Variants in RHBDL1 observed in about 807,000 individuals in gnomAD.
The protein encoded by RHBDL1 is rhomboid like 1.
A neutral mutation model predicts 34.0 loss-of-function variants in RHBDL1; 21 were observed. That is an observed-to-expected ratio of 0.62 (90% CI 0.44 to 0.89). The LOEUF (loss-of-function observed/expected upper bound fraction) is 0.89. Among genes scored for constraint, RHBDL1 ranks in the 40% least tolerant of loss-of-function variants. RHBDL1 has a pLI of 0.00. For synonymous variants in RHBDL1, 268 were observed against 234.8 expected, an observed-to-expected ratio of 1.14 and a Z score of -1.29; for missense variants, 450 against 530.6, an observed-to-expected ratio of 0.85 and a Z score of 1.49.
In RHBDL1 at chr16:676,488, G is replaced by A; in HGVS notation, c.192G>A (p.Leu64=). Residue 64 remains leucine (L), a synonymous_variant, in exon 2 of 8, where the codon CTG becomes CTA. Transcript: ENST00000352681. This position sits in a 1 kb window ranked among gnomAD's most constrained non-coding sequence, Gnocchi z 6.9. ...AGGGCCAGGTCTGCTACCAGGAGCT[G>A]GTGGACCTGGTCAGTGCCACGGTGG... ...NEQGQVCYQE[L]VDLISSKRSS... The A allele has an allele frequency of 6.3e-7, 1 of 1,591,306 alleles. No individual in the cohort carries two copies. Among genetic ancestry groups the A allele is most frequent in the Non-Finnish European group, 8.5e-7 (1 of 1,171,492 alleles).
chr16:676,984 T>C lies in RHBDL1; in HGVS notation c.440T>C (p.Leu147Pro). The C allele has an allele frequency of 6.2e-7, 1 of 1,612,518 alleles. No individual in the cohort carries two copies. The highest frequency in any genetic ancestry group is 8.5e-7 in the Non-Finnish European group (1 of 1,179,804). Reference sequence around the variant, plus strand: ...TCGTGTCCCCAGATCATCGTGTTCCTGTGTTACGGGGCCCGCCTCAACAAG... The same window carrying C: ...TCGTGTCCCCAGATCATCGTGTTCCCGTGTTACGGGGCCCGCCTCAACAAG... ...SVTLAQIIVFLCYGARLNKWV... is the reference protein window; with the variant it reads ...SVTLAQIIVFPCYGARLNKWV... The change falls in exon 4 of 8, where the codon CTG becomes CCG. Residue 147 changes from leucine to proline, a missense_variant. Leu to Pro is a moderately conservative substitution (Grantham distance 98). Coordinates refer to ENST00000352681, the MANE Select transcript of RHBDL1 (RefSeq NM_001278720.2). This position sits in a 1 kb window ranked among gnomAD's most constrained non-coding sequence, Gnocchi z 6.9.
chr16:677,835 C>T lies in RHBDL1; in HGVS notation c.905C>T (p.Ala302Val), dbSNP rs2039577936. 1.3e-6 allele frequency: 2 copies of T among 1,585,338 alleles called. No homozygotes were observed. The highest frequency in any genetic ancestry group is 1.7e-6 in the Non-Finnish European group (2 of 1,171,334). ...CTGCGCTTCTCCCCGCCGCTGCCCG[C>T]CTCGGGCCCACAGCCCAGCTTCATG... is the stretch of plus-strand genomic sequence containing the variant. Reference protein sequence around the residue: ...VWLRFSPPLPASGPQPSFMAH... With the variant: ...VWLRFSPPLPVSGPQPSFMAH... The change falls in exon 8 of 8, where the codon GCC becomes GTC. Residue 302 changes from alanine to valine, a missense_variant. Ala to Val is a moderately conservative substitution (Grantham distance 64, BLOSUM62 0). Transcript: ENST00000352681.
At position 676,428 on chromosome 16, in the gene RHBDL1, G is replaced by T; in HGVS notation, c.132G>T (p.Leu44=). The T allele has an allele frequency of 6.2e-7, 1 of 1,606,584 alleles. No individual in the cohort carries two copies. Among genetic ancestry groups the T allele is most frequent in the Admixed American group, 1.7e-5 (1 of 59,570 alleles). Residue 44 remains leucine, a synonymous_variant, in exon 2 of 8, where the codon CTG becomes CTT. Coordinates refer to ENST00000352681, the MANE Select transcript of RHBDL1 (RefSeq NM_001278720.2). This position sits in a 1 kb window ranked among gnomAD's most constrained non-coding sequence, Gnocchi z 6.9. ...SHELPLDPAK[L]DMLVALAQSN... ...AGCTGCCCCTGGACCCGGCCAAGCT[G>T]GACATGCTGGTGGCCCTGGCTCAGA...
At position 676,663 on chromosome 16, in the gene RHBDL1, T is replaced by C; in HGVS notation, c.202-9T>C. On this transcript the variant is annotated splice_polypyrimidine_tract_variant and intron_variant, in intron 2 of 7. Coordinates refer to ENST00000352681, the MANE Select transcript of RHBDL1 (RefSeq NM_001278720.2). This position sits in a 1 kb window ranked among gnomAD's most constrained non-coding sequence, Gnocchi z 6.9. Reference sequence around the variant, plus strand: ...GGTCCGTGGCCCACACTCAGGCCCCTGCCCCCAGATCAGCAGCAAGCGCTC... The same window carrying C: ...GGTCCGTGGCCCACACTCAGGCCCCCGCCCCCAGATCAGCAGCAAGCGCTC... The C allele has an allele frequency of 2.5e-6, 4 of 1,610,192 alleles. No individual in the cohort carries two copies. Among genetic ancestry groups the C allele is most frequent in the South Asian group, 1.1e-5 (1 of 91,048 alleles).
In RHBDL1 at chr16:675,750, C is replaced by T. The variant is rs981018822; in HGVS notation, c.-41C>T. 4.0e-5 allele frequency: 56 copies of T among 1,385,066 alleles called. No individual in the cohort carries two copies. In the African/African-American group the frequency reaches 6.6e-4, roughly 16 times the overall value. The allele number at this position is 1,385,066 out of a possible 1,614,324, so 85.8% of individuals were successfully genotyped here. On this transcript the variant is annotated 5_prime_UTR_variant, in exon 1 of 8. Transcript: ENST00000352681. ...CGTCCGCAGAGCAGCCCCTCCCGGC[C>T]GCGGCCGCCGACCCCGGACCCCGGC... is the stretch of plus-strand genomic sequence containing the variant.
chr16:677,048 C>A lies in RHBDL1; in HGVS notation c.504C>A (p.Ser168Arg). The change falls in exon 4 of 8, where the codon AGC (serine) becomes AGA (arginine). Residue 168 changes from serine (S) to arginine (R), a missense_variant. Physicochemically the swap from Ser to Arg is moderately radical, Grantham distance 110 (BLOSUM62 -1). Coordinates refer to ENST00000352681, the MANE Select transcript of RHBDL1 (RefSeq NM_001278720.2). ...CCTACCACCCCGAGTACATGAAGAG[C>A]CCCCTTGTGTACCACCCCGGGCACC... ...LQTYHPEYMK[S>R]PLVYHPGHRA... 6.2e-7 allele frequency: 1 copy of A among 1,612,904 alleles called. No individual in the cohort carries two copies. The highest frequency in any genetic ancestry group is 8.5e-7 in the Non-Finnish European group (1 of 1,179,950).
At position 676,651 on chromosome 16, in the gene RHBDL1, C is replaced by A; in HGVS notation, c.202-21C>A. On this transcript the variant is annotated intron_variant, in intron 2 of 7. Coordinates refer to ENST00000352681, the MANE Select transcript of RHBDL1 (RefSeq NM_001278720.2). This position sits in a 1 kb window ranked among gnomAD's most constrained non-coding sequence, Gnocchi z 6.9. ...GTGCCATGGGGAGGTCCGTGGCCCA[C>A]ACTCAGGCCCCTGCCCCCAGATCAG... 1 of 1,607,736 alleles carries A rather than the reference C, an allele frequency of 6.2e-7. No individual in the cohort carries two copies. Among genetic ancestry groups the A allele is most frequent in the South Asian group, 1.1e-5 (1 of 91,016 alleles).
At chr16:677,426 G>A (rs951648889) in intron 5 of RHBDL1, 33 bp from the exon 6 acceptor site, 3 of 1,579,120 alleles carry the variant, frequency 1.9e-6, no homozygotes, top group African/African-American at 1.3e-5. Flanking sequence ...TGCCCTGGCC[G>A]GCTGCACCCT....
chr16:676,556 A>T lies in RHBDL1; in HGVS notation c.201+59A>T. 1 of 1,568,782 alleles carries T rather than the reference A, an allele frequency of 6.4e-7. No homozygotes were observed. The highest frequency in any genetic ancestry group is 8.6e-7 in the Non-Finnish European group (1 of 1,160,950). ...GGTGTCCTGGCCAGAGGAGGCGGGC[A>T]GGCAGCTCCTCACGGCGGTGGGTGG... On this transcript the variant is annotated intron_variant, in intron 2 of 7. Transcript: ENST00000352681. The surrounding 1 kb of genome is among the most constrained non-coding windows in gnomAD (Gnocchi z 6.9).
chr16:678,205 C>T lies in RHBDL1; in HGVS notation c.*153C>T. 4 of 1,379,910 alleles carry T rather than the reference C, an allele frequency of 2.9e-6. No homozygotes were observed. Among genetic ancestry groups the T allele is most frequent in the Non-Finnish European group, 2.8e-6 (3 of 1,072,998 alleles). 85.5% of individuals were successfully genotyped at this position (1,379,910 alleles called of 1,614,324 possible). A position where few individuals can be genotyped will look rare whatever the true frequency, so the allele number is the denominator to read the frequency against. ...AAGGAGGCCCTGTCCCAGCCACCCACCCCCCACTCCCAGGACTTGCGGTCT... is the reference window on the plus strand; with the variant it reads ...AAGGAGGCCCTGTCCCAGCCACCCATCCCCCACTCCCAGGACTTGCGGTCT... On this transcript the variant is annotated 3_prime_UTR_variant, in exon 8 of 8. Coordinates refer to ENST00000352681, the MANE Select transcript of RHBDL1 (RefSeq NM_001278720.2).
rs1320919023 is a variant in RHBDL1 at position 678,197 on chromosome 16, G to A, written c.*145G>A. Reference sequence around the variant, plus strand: ...TGGCCTCAAAGGAGGCCCTGTCCCAGCCACCCACCCCCCACTCCCAGGACT... The same window carrying A: ...TGGCCTCAAAGGAGGCCCTGTCCCAACCACCCACCCCCCACTCCCAGGACT... On this transcript the variant is annotated 3_prime_UTR_variant, in exon 8 of 8. Coordinates refer to ENST00000352681, the MANE Select transcript of RHBDL1 (RefSeq NM_001278720.2). 1.4e-6 allele frequency: 2 copies of A among 1,386,194 alleles called. No homozygotes were observed. The highest frequency in any genetic ancestry group is 9.3e-7 in the Non-Finnish European group (1 of 1,076,398). The allele number at this position is 1,386,194 out of a possible 1,614,324, so 85.9% of individuals were successfully genotyped here.
At position 676,520 on chromosome 16, in the gene RHBDL1, G is replaced by A. The variant is rs760053477; in HGVS notation, c.201+23G>A. The A allele has an allele frequency of 2.7e-5, 43 of 1,573,770 alleles. 1 individual carries two copies. The highest frequency in any genetic ancestry group is 9.4e-5 in the African/African-American group (7 of 74,224). The stretch of plus-strand genomic sequence containing the variant: ...CTGGTCAGTGCCACGGTGGGCAGGC[G>A]GCAGGGGCACGGTGTCCTGGCCAGA... On this transcript the variant is annotated intron_variant, in intron 2 of 7. Transcript: ENST00000352681. The surrounding 1 kb of genome is among the most constrained non-coding windows in gnomAD (Gnocchi z 6.9).
chr16:675,855 C>G (rs1196152268), intron 1 of RHBDL1, 26 bp downstream of exon 1: 3 of 1,505,496 alleles, frequency 2.0e-6, no homozygotes, highest in South Asian at 1.2e-5. Flanking sequence ...GTCTGGGGAG[C>G]TGGCACCGCC....
rs2039555809 is a variant in RHBDL1 at position 676,947 on chromosome 16, C to G, written c.427-24C>G. 1 of 1,611,628 alleles carries G rather than the reference C, an allele frequency of 6.2e-7. No homozygotes were observed. The highest frequency in any genetic ancestry group is 1.7e-5 in the Admixed American group (1 of 59,976). Reference sequence around the variant, plus strand: ...GAGCCTCCCGCGCTCCTGGCCATGACCAGCCTAACACTCGTGTCCCCAGAT... The same window carrying G: ...GAGCCTCCCGCGCTCCTGGCCATGAGCAGCCTAACACTCGTGTCCCCAGAT... On this transcript the variant is annotated intron_variant, in intron 3 of 7. Coordinates refer to ENST00000352681, the MANE Select transcript of RHBDL1 (RefSeq NM_001278720.2). This position sits in a 1 kb window ranked among gnomAD's most constrained non-coding sequence, Gnocchi z 6.9.
Position 675,781 on chromosome 16 carries a change from G to C in RHBDL1, c.-10G>C. 5 of 1,471,154 alleles carry C rather than the reference G, an allele frequency of 3.4e-6. No homozygotes were observed. Among genetic ancestry groups the C allele is most frequent in the Non-Finnish European group, 2.7e-6 (3 of 1,112,416 alleles). 91.1% of individuals were successfully genotyped at this position (1,471,154 alleles called of 1,614,324 possible). A position where few individuals can be genotyped will look rare whatever the true frequency, so the allele number is the denominator to read the frequency against. On this transcript the variant is annotated 5_prime_UTR_variant, in exon 1 of 8. Coordinates refer to ENST00000352681, the MANE Select transcript of RHBDL1 (RefSeq NM_001278720.2). ...CGCCGACCCCGGACCCCGGCCCCCG[G>C]CCAGGCTCTATGGACAGGAGCTCGC... is the stretch of plus-strand genomic sequence containing the variant.
Position 678,267 on chromosome 16 carries a change from C to T in RHBDL1, c.*215C>T, listed in dbSNP as rs1030715168. The T allele has an allele frequency of 2.3e-5, 30 of 1,321,368 alleles. No individual in the cohort carries two copies. The highest frequency in any genetic ancestry group is 7.2e-5 in the Admixed American group (2 of 27,682). 81.9% of individuals were successfully genotyped at this position (1,321,368 alleles called of 1,614,324 possible). A position where few individuals can be genotyped will look rare whatever the true frequency, so the allele number is the denominator to read the frequency against. ...GATAATTAATAAATATTTTACACAG[C>T]ACCAGGGGGCTGTCCCGGGCTCTGG... On this transcript the variant is annotated 3_prime_UTR_variant, in exon 8 of 8. Transcript: ENST00000352681.
In RHBDL1 at chr16:676,904, C is replaced by T; in HGVS notation, c.426+8C>T. 1 of 1,611,750 alleles carries T rather than the reference C, an allele frequency of 6.2e-7. No individual in the cohort carries two copies. Among genetic ancestry groups the T allele is most frequent in the South Asian group, 1.1e-5 (1 of 91,028 alleles). ...TCGGTCACTCTTGCCCAGGTGGGCC[C>T]CCCGGCCGCTGCCCCGGGAGCCTCC... is the stretch of plus-strand genomic sequence containing the variant. On this transcript the variant is annotated splice_region_variant and intron_variant, in intron 3 of 7. Coordinates refer to ENST00000352681, the MANE Select transcript of RHBDL1 (RefSeq NM_001278720.2). The surrounding 1 kb of genome is among the most constrained non-coding windows in gnomAD (Gnocchi z 6.9).
Position 677,683 on chromosome 16 carries a change from G to C in RHBDL1, c.834G>C (p.Val278=), listed in dbSNP as rs1439797110. ...MRCPYKLLRM[V]LALVCMSSEV... ...GTCCCTACAAGTTGCTGAGGATGGTGCTGGCCTTGGTGTGCAGTGAGTAGG... is the reference window on the plus strand; with the variant it reads ...GTCCCTACAAGTTGCTGAGGATGGTCCTGGCCTTGGTGTGCAGTGAGTAGG... Residue 278 remains valine, a synonymous_variant, in exon 7 of 8, where the codon GTG becomes GTC. Coordinates refer to ENST00000352681, the MANE Select transcript of RHBDL1 (RefSeq NM_001278720.2). The C allele has an allele frequency of 6.5e-7, 1 of 1,549,244 alleles. No individual in the cohort carries two copies.
chr16:677,612 C>A (rs754765909), intron 6 of RHBDL1, 27 bp from the exon 7 acceptor site: 1 of 1,603,042 alleles, frequency 6.2e-7, no homozygotes, highest in Non-Finnish European at 8.5e-7. Flanking sequence ...GTGAGCCTCA[C>A]CACTTCTCGT....
Sources: gnomAD v4.1 joint callset for allele counts on GRCh38, gnomAD v4.1.1 for gene constraint, Gnocchi (gnomAD v3.1) non-coding constraint, MANE v1.5 for transcripts, NCBI Gene and HGNC (gene_info 2026-07-23, HGNC 2026-07-21) for gene names.